The following CD36 variants were observed in gnomAD, a reference collection of about 807,000 sequenced individuals.
CD36 encodes platelet glycoprotein 4.
Under a neutral mutation model 55.2 loss-of-function variants are expected in CD36, and 119 were observed. The ratio of observed to expected loss-of-function variants is 2.15; its 90% CI spans 1.86 to 2.51. CD36 has a LOEUF of 2.51. Among genes scored for constraint, CD36 ranks in the 30% most tolerant of loss-of-function variants. CD36 has a pLI of 0.00. For missense variants in CD36, 819 were observed against 555.5 expected, an observed-to-expected ratio of 1.47 and a Z score of -4.77; for synonymous variants, 186 against 193.6, an observed-to-expected ratio of 0.96 and a Z score of 0.33.
rs1334370890 is a variant in CD36, at chr7:80,677,933, C to T, written c.*1550C>T. Reference sequence around the variant, plus strand: ...GTTTGAATACATGTATAATCTTTATCATTCCTCAGTGTTTCATTTCTCAAA... The same window carrying T: ...GTTTGAATACATGTATAATCTTTATTATTCCTCAGTGTTTCATTTCTCAAA... On this transcript the variant is annotated 3_prime_UTR_variant, in exon 15 of 15. Transcript: ENST00000447544. 6.6e-6 allele frequency: 1 copy of T among 152,078 alleles called. No individual in the cohort carries two copies. The highest frequency in any genetic ancestry group is 1.5e-5 in the Non-Finnish European group (1 of 68,030). 9.4% of individuals were successfully genotyped at this position (152,078 alleles called of 1,614,324 possible). A position where few individuals can be genotyped will look rare whatever the true frequency, so the allele number is the denominator to read the frequency against.
At chr7:80,622,251 G>A (rs115748422) in intron 1 of CD36, among the ~76,000 whole-genome samples, 1,784 of 152,320 alleles carry the variant, frequency 0.012, 37 homozygotes, top group African/African-American at 0.04. Context: ...TCTGGGGCAC[G>A]AGACAAGAGC....
At position 80,670,957 on chromosome 7, in the gene CD36, T is replaced by A. The variant is rs758483432; in HGVS notation, c.819-20T>A. 3 of 1,579,178 alleles carry A rather than the reference T, an allele frequency of 1.9e-6. No homozygotes were observed. The highest frequency in any genetic ancestry group is 2.6e-6 in the Non-Finnish European group (3 of 1,149,072). On this transcript the variant is annotated intron_variant, in intron 9 of 14. Transcript: ENST00000447544. ...TAAGTTCAGGTTCCTGGAATGCAGC[T>A]CTTTTTTCTCTGTATTTAGGTCAAT... is the stretch of plus-strand genomic sequence containing the variant.
intron 3 of CD36, among the ~76,000 whole-genome samples, chr7:80,653,537 T>C (rs1160821893): frequency 1.3e-5 from 2 of 152,156 alleles, no homozygotes; most frequent in Non-Finnish European, 2.9e-5. Context: ...CCAGTTGTTG[T>C]TGGGGCTTGG....
At chr7:80,615,834 G>A (rs150332333) in intron 1 of CD36, among the ~76,000 whole-genome samples, 116 of 152,264 alleles carry the variant, frequency 7.6e-4, no homozygotes, top group African/African-American at 2.5e-3. Context: ...AAATGGAAGA[G>A]TCTTTCTTGG....
At chr7:80,673,945 A>G (rs776984680) in intron 13 of CD36, 38 bp from the exon 14 acceptor site, 1 of 1,539,660 alleles carries the variant, frequency 6.5e-7, no homozygotes, top group East Asian at 2.3e-5. Context: ...TGTTTTACTA[A>G]CGTACCCAAA....
chr7:80,655,824 G>T (rs1174011604), intron 3 of CD36, among the ~76,000 whole-genome samples: 1 of 151,704 alleles, frequency 6.6e-6, no homozygotes, highest in Non-Finnish European at 1.5e-5. Flanking sequence ...TGGTGGCACA[G>T]GTGAGAGGAT....
chr7:80,623,632 T>C (rs1475022993), intron 1 of CD36, among the ~76,000 whole-genome samples: 2 of 152,232 alleles, frequency 1.3e-5, no homozygotes, highest in Admixed American at 1.3e-4. Context: ...AAGCCTGAAC[T>C]TGTTAGTCTT....
In CD36 at chr7:80,633,595, C is replaced by T. The variant is rs184217096; in HGVS notation, c.-183-12493C>T. 2.3e-3 allele frequency among the ~76,000 whole-genome samples: 352 copies of T among 151,918 alleles called. 1 individual carries two copies. Among genetic ancestry groups the T allele is most frequent in the African/African-American group, 8.3e-3 (345 of 41,544 alleles). On this transcript the variant is annotated intron_variant, in intron 1 of 13. Coordinates refer to the CD36 transcript ENST00000309881. Reference sequence around the variant, plus strand: ...CTTTTGCAATTTAATATTCAAATTACATAGATATTTTTTATTACTGCATGT... The same window carrying T: ...CTTTTGCAATTTAATATTCAAATTATATAGATATTTTTTATTACTGCATGT...
Position 80,660,493 on chromosome 7 carries a change from T to C in CD36, c.282-570T>C, listed in dbSNP as rs564552132. ...TTCCCCTGCTGAAGCCCCTGTACTT[T>C]TTCCTCCTTATCCTCAGGATAAAGT... On this transcript the variant is annotated intron_variant, in intron 4 of 14. Transcript: ENST00000447544. Among the ~76,000 whole-genome samples the C allele has an allele frequency of 2.6e-5, 4 of 152,308 alleles. No individual in the cohort carries two copies. The South Asian group carries it at 8.3e-4, about 32-fold the overall frequency.
At chr7:80,676,245 TTC>T (rs1228025177) in intron 14 of CD36, 137 bp from the exon 15 acceptor site, 3 of 152,166 alleles carry the variant, frequency 2.0e-5, no homozygotes, top group Non-Finnish European at 2.9e-5. Context: ...GTGGCACTAT[TTC>T]TTTTTTTGCA....
At chr7:80,608,753 A>T (rs1160939969) in intron 1 of CD36, among the ~76,000 whole-genome samples, 2 of 152,280 alleles carry the variant, frequency 1.3e-5, no homozygotes, top group Admixed American at 6.5e-5. Flanking sequence ...CTCCAGGTTA[A>T]TAGTACCTCC....
At chr7:80,657,058 G>A (rs926630450) in intron 4 of CD36, among the ~76,000 whole-genome samples, 2 of 151,960 alleles carry the variant, frequency 1.3e-5, no homozygotes, top group African/African-American at 4.8e-5. Flanking sequence ...AAATATTCCT[G>A]CTGAGGAAAA....
At chr7:80,610,024 G>A (rs904001830) in intron 1 of CD36, among the ~76,000 whole-genome samples, 2 of 152,300 alleles carry the variant, frequency 1.3e-5, no homozygotes, top group Admixed American at 6.5e-5. Flanking sequence ...TAGGTTTAAA[G>A]CCTTCCTTGG....
intron 14 of CD36, among the ~76,000 whole-genome samples, chr7:80,675,160 A>G (rs771853254): frequency 1.3e-5 from 2 of 152,124 alleles, no homozygotes; most frequent in Admixed American, 6.6e-5. Flanking sequence ...AAAGACAATA[A>G]TTCTGCATCC....
At chr7:80,641,094 G>A (rs928859031) in intron 1 of CD36, among the ~76,000 whole-genome samples, 1 of 152,012 alleles carries the variant, frequency 6.6e-6, no homozygotes, top group Non-Finnish European at 1.5e-5. Flanking sequence ...AAGGGAAGAG[G>A]CACAGTTTCT....
At position 80,663,031 on chromosome 7, in the gene CD36, C is replaced by A. The variant is rs1278879214; in HGVS notation, c.471C>A (p.Ile157=). ...ATCAAAATCAATTTGTTCAAATGAT[C>A]CTCAATTCACTTATTAACAAGTCAA... ...HIYQNQFVQM[I]LNSLINKSKS... is the part of the protein sequence containing the mutation. Residue 157 remains isoleucine (I), a synonymous_variant, in exon 6 of 15, where the codon ATC becomes ATA. Transcript: ENST00000447544. 4.3e-6 allele frequency: 7 copies of A among 1,613,268 alleles called. No individual in the cohort carries two copies. The highest frequency in any genetic ancestry group is 1.7e-4 in the Middle Eastern group (1 of 6,052).
intron 4 of CD36, among the ~76,000 whole-genome samples, chr7:80,660,168 C>G (rs1307796818): frequency 6.6e-6 from 1 of 152,078 alleles, no homozygotes; most frequent in Non-Finnish European, 1.5e-5. Context: ...CTTATTTCTT[C>G]TCAGTGAATA....
At chr7:80,626,461 T>C (rs1474929887) in intron 1 of CD36, among the ~76,000 whole-genome samples, 1 of 152,108 alleles carries the variant, frequency 6.6e-6, no homozygotes, top group Admixed American at 6.6e-5. Context: ...TGATTTATGA[T>C]TTGTACTATA....
At chr7:80,642,032 G>C (rs1794852868) in intron 1 of CD36, among the ~76,000 whole-genome samples, 1 of 151,988 alleles carries the variant, frequency 6.6e-6, no homozygotes, top group Admixed American at 6.6e-5. Context: ...AAAGGAATAG[G>C]ATTTATAATC....
Sources: gnomAD v4.1 joint callset for allele counts (sites outside exome capture counted in the v4.1 genomes callset) on GRCh38, gnomAD v4.1.1 for gene constraint, MANE v1.5 for transcripts, NCBI Gene and HGNC (gene_info 2026-07-23, HGNC 2026-07-21) for gene names.